The following MAGI3 variants were observed in gnomAD, a reference collection of about 807,000 sequenced individuals.
The protein encoded by MAGI3 is membrane-associated guanylate kinase, WW and PDZ domain-containing protein 3.
Under a neutral mutation model 121.8 loss-of-function variants are expected in MAGI3, and 43 were observed. That is an observed-to-expected ratio of 0.35 (90% confidence interval 0.28 to 0.46). The LOEUF (loss-of-function observed/expected upper bound fraction) is 0.46, where lower values mean the gene tolerates loss of function less well. Ranked by LOEUF, MAGI3 falls within the 20% of genes least tolerant of loss-of-function variation. The pLI is 1.00. For missense variants in MAGI3, 1,547 were observed against 1,797.3 expected (o/e 0.86, Z 2.52); for synonymous variants, 553 against 639.3 (o/e 0.86, Z 2.04).
At chr1:113,418,922 A>G (rs1219243700) in intron 1 of MAGI3, among the ~76,000 whole-genome samples, 1 of 152,138 alleles carries the variant, frequency 6.6e-6, no homozygotes, top group Non-Finnish European at 1.5e-5. Context: ...TACAGGAACA[A>G]TATATATTAC....
intron 1 of MAGI3, among the ~76,000 whole-genome samples, chr1:113,508,833 A>T (rs1106209): frequency 0.77 from 117,520 of 151,674 alleles, 45,980 homozygotes; most frequent in African/African-American, 0.9. Flanking sequence ...TGATTTTTTT[A>T]AAAAAAAAAC....
chr1:113,638,579 G>A (rs949229157), intron 9 of MAGI3, among the ~76,000 whole-genome samples: 1 of 152,204 alleles, frequency 6.6e-6, no homozygotes, highest in African/African-American at 2.4e-5. Flanking sequence ...CTGTCTGATC[G>A]TTCCTCTGGA....
At chr1:113,643,879 G>C in intron 11 of MAGI3, 105 bp downstream of exon 11, 3 of 1,187,156 alleles carry the variant, frequency 2.5e-6, no homozygotes, top group South Asian at 2.6e-5. Flanking sequence ...TCGACTGGGA[G>C]AAGTTAGGAG....
intron 1 of MAGI3, among the ~76,000 whole-genome samples, chr1:113,418,529 G>A (rs1652571857): frequency 6.6e-6 from 1 of 151,972 alleles, no homozygotes; most frequent in African/African-American, 2.4e-5. Flanking sequence ...TTTTGACCTC[G>A]TTTAGGGGAT....
At chr1:113,511,917 G>A (rs1286886532) in intron 1 of MAGI3, among the ~76,000 whole-genome samples, 2 of 152,154 alleles carry the variant, frequency 1.3e-5, no homozygotes, top group Admixed American at 6.5e-5. Context: ...CCCAGGGGTG[G>A]CACATTAAAC....
At chr1:113,521,408 T>G (rs1658189335) in intron 1 of MAGI3, among the ~76,000 whole-genome samples, 2 of 133,064 alleles carry the variant, frequency 1.5e-5, no homozygotes, top group South Asian at 4.8e-4. Context: ...TTTTTTTTGT[T>G]TTTTGTTTTT....
At chr1:113,549,075 A>G (rs1324330854) in intron 1 of MAGI3, among the ~76,000 whole-genome samples, 1 of 152,218 alleles carries the variant, frequency 6.6e-6, no homozygotes, top group Non-Finnish European at 1.5e-5. Flanking sequence ...TGTTTTGGCT[A>G]TCTGAAACTT....
chr1:113,549,485 TTC>T (rs772077361), intron 1 of MAGI3, 28 bp from the exon 2 acceptor site: 13 of 1,274,348 alleles, frequency 1.0e-5, no homozygotes, highest in South Asian at 2.6e-5. Flanking sequence ...TGCATTTATT[TTC>T]TGTTTTTTTT....
intron 1 of MAGI3, among the ~76,000 whole-genome samples, chr1:113,519,072 C>T (rs916833260): frequency 6.6e-6 from 1 of 152,038 alleles, no homozygotes; most frequent in African/African-American, 2.4e-5. Flanking sequence ...CCCTAATTCT[C>T]TCTATGAAAA....
At position 113,642,181 on chromosome 1, in the gene MAGI3, C is replaced by G. The variant is rs767631910; in HGVS notation, c.1631C>G (p.Ser544Trp). The change falls in exon 10 of 21, where the codon TCG (serine) becomes TGG (tryptophan). Residue 544 changes from serine to tryptophan, a missense_variant. Ser to Trp is a radical substitution (Grantham distance 177, BLOSUM62 -3). Coordinates refer to ENST00000307546, the MANE Select transcript of MAGI3 (RefSeq NM_001142782.2). ...GAMVLEQNGK[S>W]GHTLTGDGLN... Reference sequence around the variant, plus strand: ...ATGGTTCTGGAGCAGAATGGAAAATCGGGACACACTTTGACTGGTGATGGT... The same window carrying G: ...ATGGTTCTGGAGCAGAATGGAAAATGGGGACACACTTTGACTGGTGATGGT... The G allele has an allele frequency of 5.6e-6, 9 of 1,614,114 alleles. No homozygotes were observed. The East Asian group carries it at 2.0e-4, about 36-fold the overall frequency.
At chr1:113,520,416 G>T (rs1312609900) in intron 1 of MAGI3, among the ~76,000 whole-genome samples, 5 of 152,062 alleles carry the variant, frequency 3.3e-5, no homozygotes, top group Admixed American at 2.6e-4. Context: ...TGACAGGAAT[G>T]TAAATAAATA....
At chr1:113,398,532 A>T (rs1651237350) in intron 1 of MAGI3, among the ~76,000 whole-genome samples, 2 of 152,086 alleles carry the variant, frequency 1.3e-5, no homozygotes, top group Admixed American at 1.3e-4. Context: ...TTTGCACATA[A>T]TTTGAAACAC....
chr1:113,555,892 TAGAG>T (rs558655984), intron 2 of MAGI3, among the ~76,000 whole-genome samples: 1 of 150,994 alleles, frequency 6.6e-6, no homozygotes, highest in South Asian at 2.1e-4. Context: ...TTAAAAAAAA[TAGAG>T]AAAGAAAGAA....
At chr1:113,585,020 T>C (rs1197262292) in intron 3 of MAGI3, among the ~76,000 whole-genome samples, 2 of 142,314 alleles carry the variant, frequency 1.4e-5, no homozygotes, top group African/African-American at 2.6e-5. Flanking sequence ...CAGGCTGGAG[T>C]GTAGTGGCGC....
intron 6 of MAGI3, among the ~76,000 whole-genome samples, chr1:113,595,690 G>A (rs1648954794): frequency 6.6e-6 from 1 of 152,196 alleles, no homozygotes; most frequent in Non-Finnish European, 1.5e-5. Context: ...TGAACAATGT[G>A]CAAGTTCTCA....
At chr1:113,549,973 G>A (rs1225142215) in intron 2 of MAGI3, among the ~76,000 whole-genome samples, 3 of 151,410 alleles carry the variant, frequency 2.0e-5, no homozygotes, top group Admixed American at 6.6e-5. Context: ...AAAATTAGCC[G>A]AGTGTGGTGG....
At chr1:113,471,408 A>T (rs1655531918) in intron 1 of MAGI3, among the ~76,000 whole-genome samples, 1 of 152,208 alleles carries the variant, frequency 6.6e-6, no homozygotes, top group Non-Finnish European at 1.5e-5. Context: ...GAAAATTTTT[A>T]AAAATTGTAA....
chr1:113,516,156 G>A (rs980923216), intron 1 of MAGI3, among the ~76,000 whole-genome samples: 4 of 151,902 alleles, frequency 2.6e-5, no homozygotes, highest in African/African-American at 9.7e-5. Context: ...TATGTATATA[G>A]TACATAGATT....
chr1:113,450,755 G>A (rs1214415781), intron 1 of MAGI3: 1 of 889,184 alleles, frequency 1.1e-6, no homozygotes, highest in Admixed American at 1.7e-5. Context: ...AAGGGCTACA[G>A]TTCTTAGTAG....
Sources: allele counts gnomAD v4.1 joint callset (sites outside exome capture counted in the v4.1 genomes callset), GRCh38; gene constraint gnomAD v4.1.1; transcripts MANE v1.5; gene names NCBI Gene and HGNC (gene_info 2026-07-23, HGNC 2026-07-21).